The following RPH3AL variants were observed in gnomAD, a reference collection of about 807,000 sequenced individuals.
RPH3AL encodes rab effector Noc2.
Under a neutral mutation model 43.1 loss-of-function variants are expected in RPH3AL, and 38 were observed. That is an observed-to-expected ratio of 0.88 (90% CI 0.68 to 1.15). RPH3AL has a LOEUF of 1.15. Among genes scored for constraint, RPH3AL ranks in the 50% most tolerant of loss-of-function variants. The pLI, the probability that RPH3AL is intolerant of heterozygous loss-of-function variation, is 0.00. For missense variants in RPH3AL, 462 were observed against 423.2 expected (o/e 1.09, Z -0.81); for synonymous variants, 189 against 176.3 (o/e 1.07, Z -0.57).
intron 5 of RPH3AL, among the ~76,000 whole-genome samples, chr17:310,655 C>T (rs535254002): frequency 6.6e-6 from 1 of 152,198 alleles, no homozygotes; most frequent in African/African-American, 2.4e-5. Flanking sequence ...TCCAGCCCCC[C>T]AGGGCTGCCG....
At chr17:301,451 G>A (rs111590057) in intron 5 of RPH3AL, among the ~76,000 whole-genome samples, 23,169 of 151,922 alleles carry the variant, frequency 0.15, 2,274 homozygotes, top group East Asian at 0.22. Context: ...TTATGGGTGC[G>A]CACCACCGTG....
intron 1 of RPH3AL, among the ~76,000 whole-genome samples, chr17:350,782 C>T (rs2045338861): frequency 6.6e-6 from 1 of 152,178 alleles, no homozygotes; most frequent in Non-Finnish European, 1.5e-5. Flanking sequence ...GACCGCAGGC[C>T]CTGATGATGG....
At chr17:301,800 G>C (rs1448040842) in intron 5 of RPH3AL, among the ~76,000 whole-genome samples, 1 of 152,114 alleles carries the variant, frequency 6.6e-6, no homozygotes, top group Non-Finnish European at 1.5e-5. Context: ...GTTCTGACCC[G>C]AGCCGTAGGA....
intron 5 of RPH3AL, among the ~76,000 whole-genome samples, chr17:303,524 C>G: frequency 7.7e-6 from 1 of 130,200 alleles, no homozygotes; most frequent in Non-Finnish European, 1.7e-5. Context: ...GAGCAGTGAC[C>G]GTGTTTCAGG....
chr17:314,252 A>T (rs1161351246), intron 5 of RPH3AL, among the ~76,000 whole-genome samples: 1 of 152,186 alleles, frequency 6.6e-6, no homozygotes, highest in African/African-American at 2.4e-5. Context: ...ACCACAGGCC[A>T]GGCTCTGTGC....
rs1429186754 is a variant in RPH3AL at position 217,147 on chromosome 17, C to T, written c.728-1345G>A. On this transcript the variant is annotated intron_variant, in intron 8 of 9. Coordinates refer to ENST00000331302, the MANE Select transcript of RPH3AL (RefSeq NM_006987.4). ...GACCCCCAAGGCATTTAGTTCCCATCTGGGGCAGTTATTACAGAGCCCTTC... is the reference window on the plus strand; with the variant it reads ...GACCCCCAAGGCATTTAGTTCCCATTTGGGGCAGTTATTACAGAGCCCTTC... 1.4e-3 allele frequency among the ~76,000 whole-genome samples: 196 copies of T among 140,134 alleles called. 2 individuals carry two copies. The highest frequency in any genetic ancestry group is 4.9e-3 in the African/African-American group (181 of 37,184). The allele number at this position is 140,134 out of a possible 152,430, so 91.9% of individuals were successfully genotyped here. A position where few individuals can be genotyped will look rare whatever the true frequency, so the allele number is the denominator to read the frequency against.
chr17:271,601 T>A (rs1475871368), intron 6 of RPH3AL, among the ~76,000 whole-genome samples: 1 of 152,232 alleles, frequency 6.6e-6, no homozygotes, highest in Non-Finnish European at 1.5e-5. Flanking sequence ...ATGCTTGTGA[T>A]TATTGCACAT....
Position 283,177 on chromosome 17 carries a change from G to A in RPH3AL, c.352-1323C>T, listed in dbSNP as rs780487544. 2.6e-5 allele frequency among the ~76,000 whole-genome samples: 4 copies of A among 152,168 alleles called. No individual in the cohort carries two copies. Among genetic ancestry groups the A allele is most frequent in the East Asian group, 1.9e-4 (1 of 5,174 alleles). On this transcript the variant is annotated intron_variant, in intron 5 of 9. Transcript: ENST00000331302. The surrounding 1 kb of genome is among the most constrained non-coding windows in gnomAD (Gnocchi z 4.2). ...TGGGGGCTCTCTGCAGCCCCCCGCC[G>A]AGGGAAGGTTGCATCTGTTGCTTGG...
At chr17:349,232 G>C (rs947737263) in intron 1 of RPH3AL, 2 of 152,092 alleles carry the variant, frequency 1.3e-5, no homozygotes, top group Non-Finnish European at 2.9e-5. Flanking sequence ...AGAGAACTAG[G>C]GTAATTGGGC....
chr17:297,841 C>T (rs1042239761), intron 5 of RPH3AL, among the ~76,000 whole-genome samples: 1 of 152,206 alleles, frequency 6.6e-6, no homozygotes, highest in Admixed American at 6.5e-5. Context: ...ATTCCGCAAA[C>T]ACTTGTAAGT....
At chr17:249,035 A>G (rs2041829303) in intron 6 of RPH3AL, among the ~76,000 whole-genome samples, 1 of 152,180 alleles carries the variant, frequency 6.6e-6, no homozygotes, top group Non-Finnish European at 1.5e-5. Flanking sequence ...AGGAACAGAA[A>G]GGACCGCCTC....
At chr17:291,750 C>T (rs1176771340) in intron 5 of RPH3AL, among the ~76,000 whole-genome samples, 4 of 152,072 alleles carry the variant, frequency 2.6e-5, no homozygotes, top group East Asian at 1.9e-4. Context: ...GAAATGACAA[C>T]GAAGCTGTGT....
At chr17:302,140 G>A (rs2043344412) in intron 5 of RPH3AL, among the ~76,000 whole-genome samples, 2 of 152,242 alleles carry the variant, frequency 1.3e-5, no homozygotes, top group Admixed American at 1.3e-4. Context: ...CAGCCCAGCT[G>A]CTGCCACTGC....
intron 7 of RPH3AL, among the ~76,000 whole-genome samples, chr17:224,050 G>T (rs1428129392): frequency 6.6e-6 from 1 of 152,190 alleles, no homozygotes; most frequent in Middle Eastern, 3.2e-3. Context: ...CTCATGTCCT[G>T]CCAGTTTCAC....
intron 5 of RPH3AL, among the ~76,000 whole-genome samples, chr17:296,791 C>T (rs933870710): frequency 2.6e-5 from 4 of 152,192 alleles, no homozygotes; most frequent in Admixed American, 6.5e-5. Flanking sequence ...AAGGGTTCTA[C>T]GTGTATCAAA....
At chr17:325,803 T>G (rs2044605649) in intron 3 of RPH3AL, among the ~76,000 whole-genome samples, 1 of 152,192 alleles carries the variant, frequency 6.6e-6, no homozygotes, top group African/African-American at 2.4e-5. Flanking sequence ...GCTGGAGGAC[T>G]GAGGGGAGCC....
intron 6 of RPH3AL, among the ~76,000 whole-genome samples, chr17:269,102 T>C (rs570420964): frequency 2.0e-5 from 3 of 152,220 alleles, no homozygotes; most frequent in East Asian, 1.9e-4. Flanking sequence ...ATGGTCTCGA[T>C]CTCCTGACCT....
At chr17:252,522 G>A (rs554588835) in intron 6 of RPH3AL, among the ~76,000 whole-genome samples, 1 of 152,252 alleles carries the variant, frequency 6.6e-6, no homozygotes, top group East Asian at 1.9e-4. Flanking sequence ...CTACGCATCA[G>A]AGCAGTCGTT....
At chr17:241,852 A>G (rs771366524) in intron 7 of RPH3AL, among the ~76,000 whole-genome samples, 6 of 151,688 alleles carry the variant, frequency 4.0e-5, no homozygotes, top group Non-Finnish European at 5.9e-5. Flanking sequence ...ATGGTGGCTC[A>G]TGCTGGTAAT....
Sources: allele counts gnomAD v4.1 joint callset (sites outside exome capture counted in the v4.1 genomes callset), GRCh38; gene constraint gnomAD v4.1.1; non-coding constraint Gnocchi (gnomAD v3.1); transcripts MANE v1.5; gene names NCBI Gene and HGNC (gene_info 2026-07-23, HGNC 2026-07-21).